CRK: variants seen among roughly 807,000 people sequenced by gnomAD.
The protein encoded by CRK is CRK proto-oncogene, adaptor protein, also known as adapter molecule crk.
Under a neutral mutation model 29.8 loss-of-function variants are expected in CRK, and 4 were observed. That is an observed-to-expected ratio of 0.13 (90% CI 0.07 to 0.31). The LOEUF (loss-of-function observed/expected upper bound fraction) is 0.31, where lower values mean the gene tolerates loss of function less well. Ranked by LOEUF, CRK falls within the 10% of genes least tolerant of loss-of-function variation. CRK has a pLI of 1.00. For synonymous variants in CRK, 153 were observed against 164.9 expected (o/e 0.93, Z 0.55); for missense variants, 274 against 396.5 (o/e 0.69, Z 2.62).
intron 2 of CRK, among the ~76,000 whole-genome samples, chr17:1,434,164 G>A (rs2073869399): frequency 6.6e-6 from 1 of 152,126 alleles, no homozygotes; most frequent in African/African-American, 2.4e-5. Context: ...CTAAGTAACA[G>A]GTAGTGTATC....
chr17:1,438,906 G>C (rs2150906942), intron 1 of CRK, among the ~76,000 whole-genome samples: 1 of 150,632 alleles, frequency 6.6e-6, no homozygotes, highest in East Asian at 1.9e-4. Context: ...GCAGTGGCAT[G>C]ATCATAGCTA....
intron 1 of CRK, among the ~76,000 whole-genome samples, chr17:1,448,747 G>A (rs533222362): frequency 2.6e-5 from 4 of 151,464 alleles, no homozygotes; most frequent in East Asian, 3.9e-4. Flanking sequence ...CCACTGGACC[G>A]TTTCCCAGAG....
At chr17:1,440,663 A>C (rs1482103159) in intron 1 of CRK, among the ~76,000 whole-genome samples, 1 of 152,104 alleles carries the variant, frequency 6.6e-6, no homozygotes, top group Non-Finnish European at 1.5e-5. Flanking sequence ...CTGTAATCCC[A>C]GCACTTTGGG....
intron 2 of CRK, among the ~76,000 whole-genome samples, chr17:1,430,903 TA>T (rs1159285042): frequency 6.6e-6 from 1 of 151,054 alleles, no homozygotes; most frequent in Non-Finnish European, 1.5e-5. Context: ...CCGTCTCTAC[TA>T]AAAATACAAA....
At chr17:1,429,368 C>T (rs908719157) in intron 2 of CRK, among the ~76,000 whole-genome samples, 5 of 151,896 alleles carry the variant, frequency 3.3e-5, no homozygotes, top group African/African-American at 7.3e-5. Context: ...TTGCAAACTC[C>T]GCCTCCTGGA....
chr17:1,438,634 G>A (rs1206477900), intron 1 of CRK, among the ~76,000 whole-genome samples: 2 of 151,800 alleles, frequency 1.3e-5, no homozygotes, highest in Non-Finnish European at 2.9e-5. Flanking sequence ...GAAATAAAGG[G>A]TTAAAACACT....
chr17:1,424,309 C>T (rs978570338), intron 2 of CRK, among the ~76,000 whole-genome samples: 8 of 152,116 alleles, frequency 5.3e-5, no homozygotes, highest in East Asian at 1.9e-4. Context: ...TTGTGATCCA[C>T]CTGCCTTGGC....
intron 2 of CRK, chr17:1,426,550 G>C (rs1237163103): frequency 6.6e-6 from 1 of 152,150 alleles, no homozygotes; most frequent in African/African-American, 2.4e-5. Flanking sequence ...GGGCACCATA[G>C]TGAAACCTCA....
At position 1,421,403 on chromosome 17, in the gene CRK, T is replaced by C. The variant is rs550878088; in HGVS notation, c.*2110A>G. ...TAATGTGTGTGTGGACTTTACAGTA[T>C]CTACGTTCTAACTGAAAATTTAACA... On this transcript the variant is annotated 3_prime_UTR_variant, in exon 3 of 3. Transcript: ENST00000300574. The C allele has an allele frequency of 5.3e-5, 8 of 152,348 alleles. No individual in the cohort carries two copies. The South Asian group carries it at 1.7e-3, about 32-fold the overall frequency. 9.4% of individuals were successfully genotyped at this position (152,348 alleles called of 1,614,324 possible).
At chr17:1,442,091 C>G (rs934286639) in intron 1 of CRK, among the ~76,000 whole-genome samples, 4 of 151,386 alleles carry the variant, frequency 2.6e-5, no homozygotes, top group Non-Finnish European at 5.9e-5. Context: ...TCCTGAGCTC[C>G]AGAGATCCAC....
intron 2 of CRK, among the ~76,000 whole-genome samples, chr17:1,432,269 G>C (rs1412641085): frequency 6.8e-6 from 1 of 146,300 alleles, no homozygotes; most frequent in South Asian, 2.2e-4. Context: ...CAGGCGGATC[G>C]CTTGAGGCCA....
chr17:1,455,298 G>C (rs1039003651), intron 1 of CRK, among the ~76,000 whole-genome samples: 1 of 152,066 alleles, frequency 6.6e-6, no homozygotes, highest in Non-Finnish European at 1.5e-5. Flanking sequence ...CGTCCTCCAC[G>C]GGGGAAGAGA....
chr17:1,448,921 T>C (rs751121319), intron 1 of CRK, among the ~76,000 whole-genome samples: 7 of 152,024 alleles, frequency 4.6e-5, no homozygotes, highest in Admixed American at 3.3e-4. Context: ...GGGAGACATC[T>C]GTTGAGGCCA....
At chr17:1,429,262 G>A (rs190387473) in intron 2 of CRK, among the ~76,000 whole-genome samples, 6 of 151,864 alleles carry the variant, frequency 4.0e-5, no homozygotes, top group African/African-American at 1.2e-4. Flanking sequence ...GAGACTGAGG[G>A]GAGAGGAACC....
intron 2 of CRK, among the ~76,000 whole-genome samples, chr17:1,431,626 C>T (rs746924593): frequency 3.9e-4 from 60 of 152,192 alleles, no homozygotes; most frequent in Admixed American, 2.7e-3. Context: ...CTCACTCTGT[C>T]GCCTAGCCTG....
chr17:1,436,768 G>C lies in CRK; in HGVS notation c.629C>G (p.Pro210Arg), dbSNP rs1307021911. ...AGGCTCCGGCCCACCCAGTGGCTGT[G>C]GGTGGGAACCCTCCTGGTTACCTCC... ...LIGGNQEGSH[P>R]QPLGGPEPGP... is the part of the protein sequence containing the mutation. The change falls in exon 2 of 3, where the codon CCA becomes CGA. Residue 210 changes from proline to arginine, a missense_variant. Pro to Arg is a moderately radical substitution (Grantham distance 103, BLOSUM62 -2). This residue lies in a region of CRK where 121 missense variants were observed against 154.3 expected (regional missense o/e 0.78). Transcript: ENST00000300574. 2.5e-6 allele frequency: 4 copies of C among 1,586,552 alleles called. No homozygotes were observed. Among genetic ancestry groups the C allele is most frequent in the Non-Finnish European group, 3.4e-6 (4 of 1,169,068 alleles).
Position 1,456,173 on chromosome 17 carries a change from C to A in CRK, c.-56G>T, listed in dbSNP as rs2074055927. The stretch of plus-strand genomic sequence containing the variant: ...CGCCGCCGCGCGCGCCCCTCCGGCC[C>A]CCGGCGCCCGCCGCCCAGCGGACCG... On this transcript the variant is annotated 5_prime_UTR_variant, in exon 1 of 3. Coordinates refer to ENST00000300574, the MANE Select transcript of CRK (RefSeq NM_016823.4). 1 of 1,383,246 alleles carries A rather than the reference C, an allele frequency of 7.2e-7. No homozygotes were observed. The highest frequency in any genetic ancestry group is 1.5e-5 in the African/African-American group (1 of 65,000). The allele number at this position is 1,383,246 out of a possible 1,614,324, so 85.7% of individuals were successfully genotyped here.
chr17:1,439,789 G>A (rs2073919661), intron 1 of CRK, among the ~76,000 whole-genome samples: 2 of 152,126 alleles, frequency 1.3e-5, no homozygotes, highest in South Asian at 4.1e-4. Context: ...GCTACAGTGA[G>A]CCATGATCAC....
At chr17:1,455,170 A>G (rs796593725) in intron 1 of CRK, among the ~76,000 whole-genome samples, 6 of 152,368 alleles carry the variant, frequency 3.9e-5, no homozygotes, top group East Asian at 1.9e-4. Flanking sequence ...AACGGCGGAC[A>G]GTCTTCTGGA....
Sources: gnomAD v4.1 joint callset for allele counts (sites outside exome capture counted in the v4.1 genomes callset) on GRCh38, gnomAD v4.1.1 for gene constraint, gnomAD v4.1.1 regional missense constraint, MANE v1.5 for transcripts, NCBI Gene and HGNC (gene_info 2026-07-23, HGNC 2026-07-21) for gene names.